TRPC6: variants seen among roughly 807,000 people sequenced by gnomAD.
TRPC6 encodes transient receptor potential cation channel subfamily C member 6.
TRPC6 carries 55 observed loss-of-function variants against 90.7 expected under a neutral mutation model. That is an observed-to-expected ratio of 0.61 (90% CI 0.49 to 0.76). TRPC6 has a LOEUF of 0.76. TRPC6 is among the 30% of genes least tolerant of loss of function. The pLI, the probability that TRPC6 is intolerant of heterozygous loss-of-function variation, is 0.00. For missense variants in TRPC6, 989 were observed against 1,122.7 expected, an observed-to-expected ratio of 0.88 and a Z score of 1.70; for synonymous variants, 393 against 393.0, an observed-to-expected ratio of 1.00 and a Z score of 0.00.
chr11:101,452,325 G>A lies in TRPC6; in HGVS notation c.*630C>T, dbSNP rs1591517413. On this transcript the variant is annotated 3_prime_UTR_variant, in exon 13 of 13. Coordinates refer to ENST00000344327, the MANE Select transcript of TRPC6 (RefSeq NM_004621.6). ...AACTGGACCATGTTTCCAGGGTTCA[G>A]TGGAGGAAAAACTTTTTTCATTGTT... 1 of 153,410 alleles carries A rather than the reference G, an allele frequency of 6.5e-6. No individual in the cohort carries two copies. Among genetic ancestry groups the A allele is most frequent in the South Asian group, 2.0e-4 (1 of 4,900 alleles). 9.5% of individuals were successfully genotyped at this position (153,410 alleles called of 1,614,324 possible).
chr11:101,582,456 C>T (rs1862218583), intron 1 of TRPC6, among the ~76,000 whole-genome samples: 1 of 152,098 alleles, frequency 6.6e-6, no homozygotes, highest in African/African-American at 2.4e-5. Context: ...GACAGAAATG[C>T]TATCTGCCCG....
intron 4 of TRPC6, among the ~76,000 whole-genome samples, chr11:101,486,169 G>A (rs907921599): frequency 9.9e-5 from 15 of 152,028 alleles, no homozygotes; most frequent in Admixed American, 6.6e-4. Context: ...TTGAAACCTC[G>A]TAGCCTTTAT....
Position 101,472,272 on chromosome 11 carries a change from T to A in TRPC6, c.2070A>T (p.Ser690=). The A allele has an allele frequency of 1.2e-6, 2 of 1,613,316 alleles. No homozygotes were observed. The highest frequency in any genetic ancestry group is 1.7e-6 in the Non-Finnish European group (2 of 1,179,530). The change falls in exon 8 of 13, where the codon TCA becomes TCT. Residue 690 remains serine, a synonymous_variant. Transcript: ENST00000344327. ...ATTTGTGGTTATAGTTGATGACCAC[T>A]GATTTCACTTCAGAAAGTCCAAATA... The part of the protein sequence containing the change: ...WAIFGLSEVK[S]VVINYNHKFI...
intron 1 of TRPC6, 36 bp from the exon 2 acceptor site, chr11:101,504,834 T>C (rs751249451): frequency 2.2e-5 from 35 of 1,606,542 alleles, no homozygotes; most frequent in Non-Finnish European, 2.9e-5. Flanking sequence ...ACAAATCACA[T>C]TAAGAGCATT....
chr11:101,583,617 C>T lies in TRPC6; in HGVS notation c.-114G>A. On this transcript the variant is annotated 5_prime_UTR_variant, in exon 1 of 13. Coordinates refer to ENST00000344327, the MANE Select transcript of TRPC6 (RefSeq NM_004621.6). ...AGCGGCCGAACTGGACCTGGGCAGA[C>T]CGGTGCCCAGGGGACGACGGTGAAG... is the stretch of plus-strand genomic sequence containing the variant. The T allele has an allele frequency of 3.3e-6, 4 of 1,214,244 alleles. No homozygotes were observed. Among genetic ancestry groups the T allele is most frequent in the Non-Finnish European group, 4.3e-6 (4 of 924,808 alleles). 75.2% of individuals were successfully genotyped at this position (1,214,244 alleles called of 1,614,324 possible).
intron 9 of TRPC6, among the ~76,000 whole-genome samples, chr11:101,470,546 C>T (rs917036081): frequency 7.2e-5 from 11 of 152,180 alleles, no homozygotes; most frequent in African/African-American, 2.7e-4. Flanking sequence ...CCTTCCACCT[C>T]CAGTGAGACA....
intron 1 of TRPC6, among the ~76,000 whole-genome samples, chr11:101,541,032 G>A (rs1437293230): frequency 1.3e-5 from 2 of 152,160 alleles, no homozygotes; most frequent in Admixed American, 6.5e-5. Context: ...ACAAGTCATC[G>A]TAGGCTAACA....
intron 1 of TRPC6, among the ~76,000 whole-genome samples, chr11:101,549,351 C>A (rs1240873618): frequency 6.0e-5 from 9 of 151,146 alleles, no homozygotes; most frequent in African/African-American, 2.2e-4. Context: ...TTATTTATAT[C>A]CACACCTCAT....
At chr11:101,528,276 T>C (rs1048794946) in intron 1 of TRPC6, among the ~76,000 whole-genome samples, 1 of 152,082 alleles carries the variant, frequency 6.6e-6, no homozygotes, top group South Asian at 2.1e-4. Flanking sequence ...ACATGGAAAA[T>C]TGTCTGCCAC....
Position 101,547,805 on chromosome 11 carries a change from C to T in TRPC6, c.170+35529G>A, listed in dbSNP as rs1415528641. Among the ~76,000 whole-genome samples, 7 of 152,046 alleles carry T rather than the reference C, an allele frequency of 4.6e-5. No homozygotes were observed. The South Asian group carries it at 1.0e-3, about 23-fold the overall frequency. On this transcript the variant is annotated intron_variant, in intron 1 of 12. Transcript: ENST00000344327. ...CACACAGGTGTGTATCTTCTTTGATCCCAGTAGGCACTATATGCTCCTAGC... is the reference window on the plus strand; with the variant it reads ...CACACAGGTGTGTATCTTCTTTGATTCCAGTAGGCACTATATGCTCCTAGC...
At chr11:101,511,982 G>A (rs922199761) in intron 1 of TRPC6, among the ~76,000 whole-genome samples, 5 of 152,046 alleles carry the variant, frequency 3.3e-5, no homozygotes, top group Admixed American at 6.6e-5. Context: ...GACAGAGCAA[G>A]ACTCAGTCTC....
intron 1 of TRPC6, among the ~76,000 whole-genome samples, chr11:101,541,023 C>G (rs1861157302): frequency 6.6e-6 from 1 of 152,152 alleles, no homozygotes. Flanking sequence ...TGCAGCTACA[C>G]AAGTCATCGT....
chr11:101,472,049 G>C (rs1859304697), intron 8 of TRPC6, 88 bp downstream of exon 8: 2 of 1,315,436 alleles, frequency 1.5e-6, no homozygotes, highest in South Asian at 2.4e-5. Flanking sequence ...GCGAAGAGCA[G>C]TCCATGCTTT....
chr11:101,460,993 TTTTTCC>T (rs1858992583), intron 10 of TRPC6, among the ~76,000 whole-genome samples: 2 of 152,154 alleles, frequency 1.3e-5, no homozygotes, highest in Admixed American at 6.6e-5. Context: ...CACCCCTTTC[TTTTTCC>T]TTTAAGCATT....
At chr11:101,473,476 A>AT in intron 7 of TRPC6, 33 bp downstream of exon 7, 1 of 1,610,314 alleles carries the variant, frequency 6.2e-7, no homozygotes, top group Non-Finnish European at 8.5e-7. Context: ...TTAATTTGCA[A>AT]TAACTATCAT....
intron 1 of TRPC6, 101 bp downstream of exon 1, chr11:101,583,233 C>G: frequency 6.8e-7 from 1 of 1,479,978 alleles, no homozygotes; most frequent in Non-Finnish European, 9.0e-7. Context: ...GGTACACACG[C>G]GGGTTCAGGA....
chr11:101,540,579 A>G (rs1307577455), intron 1 of TRPC6, among the ~76,000 whole-genome samples: 1 of 152,204 alleles, frequency 6.6e-6, no homozygotes, highest in South Asian at 2.1e-4. Flanking sequence ...AGGCAACTCA[A>G]TGTATAATTC....
At position 101,516,340 on chromosome 11, in the gene TRPC6, A is replaced by T. The variant is rs1164000197; in HGVS notation, c.171-11542T>A. ...ATTGTGACGCACACATGCTGAAAAG[A>T]ACTACAATTTTAAGATTAATAACAA... On this transcript the variant is annotated intron_variant, in intron 1 of 12. Transcript: ENST00000344327. 6.6e-5 allele frequency among the ~76,000 whole-genome samples: 10 copies of T among 152,238 alleles called. No individual in the cohort carries two copies. The East Asian group carries it at 1.7e-3, about 26-fold the overall frequency.
chr11:101,558,211 A>G (rs993722108), intron 1 of TRPC6, among the ~76,000 whole-genome samples: 13 of 112,268 alleles, frequency 1.2e-4, no homozygotes, highest in Admixed American at 1.8e-4. Flanking sequence ...GTGTGTATAC[A>G]TGTATATATG....
Sources: allele counts gnomAD v4.1 joint callset (sites outside exome capture counted in the v4.1 genomes callset), GRCh38; gene constraint gnomAD v4.1.1; transcripts MANE v1.5; gene names NCBI Gene and HGNC (gene_info 2026-07-23, HGNC 2026-07-21).